The following ZDHHC17 variants were observed in gnomAD, a reference collection of about 807,000 sequenced individuals.
ZDHHC17 encodes zDHHC palmitoyltransferase 17, also known as palmitoyltransferase ZDHHC17.
In ZDHHC17, 40 loss-of-function variants were observed where a neutral mutation model predicts 90.3. The ratio of observed to expected loss-of-function variants is 0.44; its 90% CI spans 0.34 to 0.58. The LOEUF is 0.58. Among genes scored for constraint, ZDHHC17 ranks in the 20% least tolerant of loss-of-function variants. The probability of loss-of-function intolerance (pLI) is 0.01; values close to 1 mark genes in which losing one functional copy is unlikely to be tolerated. For synonymous variants in ZDHHC17, 235 were observed against 252.4 expected (o/e 0.93, Z 0.65); for missense variants, 614 against 780.8 (o/e 0.79, Z 2.55).
chr12:76,849,446 C>A lies in ZDHHC17; in HGVS notation c.1736C>A (p.Thr579Lys), dbSNP rs780036823. ...ARRYKHFKVT[T>K]TSIESPFNHG... ...AGATACAAGCACTTTAAAGTCACAA[C>A]AACGTCTATTGAAAGCCCATTCAAG... The change falls in exon 16 of 17, where the codon ACA becomes AAA. Residue 579 changes from threonine to lysine, a missense_variant. This residue lies in a region of ZDHHC17 where 111 missense variants were observed against 179.8 expected (regional missense o/e 0.62). Coordinates refer to ENST00000426126, the MANE Select transcript of ZDHHC17 (RefSeq NM_015336.4). 5 of 1,548,992 alleles carry A rather than the reference C, an allele frequency of 3.2e-6. No homozygotes were observed. The Admixed American group carries it at 5.9e-5, about 18-fold the overall frequency.
At chr12:76,801,811 A>G (rs557527567) in intron 2 of ZDHHC17, among the ~76,000 whole-genome samples, 5 of 152,316 alleles carry the variant, frequency 3.3e-5, no homozygotes, top group East Asian at 1.9e-4. Context: ...ATATGTATAC[A>G]TTGTATTTCC....
chr12:76,801,610 C>T lies in ZDHHC17; in HGVS notation c.198-3707C>T, dbSNP rs146785102. ...CGGAGCTTGCAGTGAGCCGAGATCG[C>T]GCCACTGTGCTCCAGCCTGGGCTAC... On this transcript the variant is annotated intron_variant, in intron 2 of 16. Transcript: ENST00000426126. 9.8e-4 allele frequency among the ~76,000 whole-genome samples: 149 copies of T among 151,994 alleles called. 2 individuals are homozygous for T. The East Asian group carries it at 0.025, about 25-fold the overall frequency.
At chr12:76,790,696 G>A (rs1420674728) in intron 1 of ZDHHC17, among the ~76,000 whole-genome samples, 1 of 152,124 alleles carries the variant, frequency 6.6e-6, no homozygotes, top group Non-Finnish European at 1.5e-5. Flanking sequence ...AATCAGTTTT[G>A]TTCAGTCTTT....
At chr12:76,783,880 G>A (rs1952655935) in intron 1 of ZDHHC17, among the ~76,000 whole-genome samples, 1 of 152,220 alleles carries the variant, frequency 6.6e-6, no homozygotes, top group Non-Finnish European at 1.5e-5. Context: ...TGTAAAAACA[G>A]TGGAGAGAGA....
chr12:76,846,030 T>C (rs1953491375), intron 13 of ZDHHC17, among the ~76,000 whole-genome samples: 1 of 152,102 alleles, frequency 6.6e-6, no homozygotes, highest in African/African-American at 2.4e-5. Context: ...TGCCTACTCT[T>C]GATAAGGAGG....
At chr12:76,771,226 A>T (rs1028383439) in intron 1 of ZDHHC17, among the ~76,000 whole-genome samples, 8 of 152,172 alleles carry the variant, frequency 5.3e-5, no homozygotes, top group Non-Finnish European at 1.5e-5. Context: ...TTCTTTTAAA[A>T]TTTTCTTAAA....
At chr12:76,782,083 C>T (rs1338152077) in intron 1 of ZDHHC17, among the ~76,000 whole-genome samples, 2 of 152,106 alleles carry the variant, frequency 1.3e-5, no homozygotes, top group Non-Finnish European at 2.9e-5. Context: ...ACTTTAGCAC[C>T]TCCAGCCTAT....
intron 5 of ZDHHC17, chr12:76,813,493 T>C (rs931890167): frequency 1.6e-5 from 5 of 319,596 alleles, no homozygotes; most frequent in Non-Finnish European, 2.5e-5. Context: ...GCTTTACTTA[T>C]CTAATGTAGT....
chr12:76,849,323 C>CAAAAAAAA lies in ZDHHC17; in HGVS notation c.1666-42_1666-35dup, dbSNP rs34062414. 1,647 of 454,248 alleles carry CAAAAAAAA rather than the reference C, an allele frequency of 3.6e-3. 27 individuals are homozygous for CAAAAAAAA. Among genetic ancestry groups the CAAAAAAAA allele is most frequent in the Middle Eastern group, 3.9e-3 (6 of 1,546 alleles). The allele number at this position is 454,248 out of a possible 1,614,324, so 28.1% of individuals were successfully genotyped here. A position where few individuals can be genotyped will look rare whatever the true frequency, so the allele number is the denominator to read the frequency against. ...TGGGTGACAGGGCAAGGTCCTGTCT[C>CAAAAAAAA]AAAAAAAAAAAAAAAAAACAAGAAT... On this transcript the variant is annotated intron_variant, in intron 15 of 16. Transcript: ENST00000426126.
chr12:76,834,435 T>C (rs1263240670), intron 10 of ZDHHC17, among the ~76,000 whole-genome samples: 3 of 152,168 alleles, frequency 2.0e-5, no homozygotes, highest in Non-Finnish European at 4.4e-5. Context: ...TCTGGGATGA[T>C]TACATATATT....
chr12:76,829,836 T>C (rs1049617879), intron 10 of ZDHHC17, among the ~76,000 whole-genome samples: 2 of 152,148 alleles, frequency 1.3e-5, no homozygotes, highest in Non-Finnish European at 2.9e-5. Context: ...ACTTACCCTA[T>C]TTAAACAAAA....
chr12:76,815,833 G>GTTTT, intron 6 of ZDHHC17, 24 bp from the exon 7 acceptor site: 1 of 1,141,482 alleles, frequency 8.8e-7, no homozygotes, highest in Non-Finnish European at 1.2e-6. Context: ...GTTGTTGTTT[G>GTTTT]TTTTTTTTTT....
chr12:76,764,662 C>T (rs1952410428), intron 1 of ZDHHC17: 9 of 520,296 alleles, frequency 1.7e-5, no homozygotes, highest in South Asian at 3.2e-5. Flanking sequence ...GCAGCTTAGA[C>T]CCTAGTCTTG....
chr12:76,811,757 T>G (rs1385216631), intron 5 of ZDHHC17, among the ~76,000 whole-genome samples: 1 of 152,164 alleles, frequency 6.6e-6, no homozygotes, highest in Non-Finnish European at 1.5e-5. Context: ...GTTACTTCCT[T>G]TAATAATGTA....
At chr12:76,811,737 G>T (rs1048573632) in intron 5 of ZDHHC17, among the ~76,000 whole-genome samples, 12 of 151,820 alleles carry the variant, frequency 7.9e-5, no homozygotes, top group African/African-American at 1.5e-4. Context: ...TTGGCCATCT[G>T]CTGACTGAGG....
At chr12:76,772,393 C>A (rs1028645184) in intron 1 of ZDHHC17, among the ~76,000 whole-genome samples, 1 of 152,100 alleles carries the variant, frequency 6.6e-6, no homozygotes, top group African/African-American at 2.4e-5. Flanking sequence ...TGCATAACCT[C>A]CCTCAGTATG....
In ZDHHC17 at chr12:76,797,547, T is replaced by C. The variant is rs1592471742; in HGVS notation, c.197+10T>C. 1 of 1,560,524 alleles carries C rather than the reference T, an allele frequency of 6.4e-7. No homozygotes were observed. Among genetic ancestry groups the C allele is most frequent in the East Asian group, 2.3e-5 (1 of 43,778 alleles). ...TAGTCAAGGCTACACAGTAAGGTTT[T>C]TGTTGTAGTTGTTTTCTTTGGCATG... On this transcript the variant is annotated intron_variant, in intron 2 of 16. Coordinates refer to ENST00000426126, the MANE Select transcript of ZDHHC17 (RefSeq NM_015336.4).
At chr12:76,807,047 A>G (rs1380400582) in intron 3 of ZDHHC17, among the ~76,000 whole-genome samples, 3 of 152,220 alleles carry the variant, frequency 2.0e-5, no homozygotes, top group Admixed American at 6.5e-5. Context: ...TAAAATCAAC[A>G]TGGGACTGAC....
At chr12:76,789,930 A>G (rs753869849) in intron 1 of ZDHHC17, among the ~76,000 whole-genome samples, 26 of 152,212 alleles carry the variant, frequency 1.7e-4, no homozygotes, top group Non-Finnish European at 3.1e-4. Context: ...CATGTAAGGT[A>G]GTATCCTGGA....
Sources: allele counts gnomAD v4.1 joint callset (sites outside exome capture counted in the v4.1 genomes callset), GRCh38; gene constraint gnomAD v4.1.1; regional missense constraint gnomAD v4.1.1; transcripts MANE v1.5; gene names NCBI Gene and HGNC (gene_info 2026-07-23, HGNC 2026-07-21).